The following TLCD4 variants were observed in gnomAD, a reference collection of about 807,000 sequenced individuals.
TLCD4 encodes the protein TLC domain-containing protein 4.
TLCD4 carries 7 observed loss-of-function variants against 24.2 expected under a neutral mutation model. The ratio of observed to expected loss-of-function variants is 0.29; its 90% CI spans 0.16 to 0.54. The LOEUF (loss-of-function observed/expected upper bound fraction) is 0.54. Ranked by LOEUF, TLCD4 falls within the 20% of genes least tolerant of loss-of-function variation. TLCD4 has a pLI of 0.95. For synonymous variants in TLCD4, 103 were observed against 106.4 expected, an observed-to-expected ratio of 0.97 and a Z score of 0.20; for missense variants, 259 against 313.9, an observed-to-expected ratio of 0.82 and a Z score of 1.32.
chr1:95,178,030 AACCTAC>A (rs1678495131), intron 6 of TLCD4, among the ~76,000 whole-genome samples: 1 of 148,842 alleles, frequency 6.7e-6, no homozygotes, highest in South Asian at 2.1e-4. Flanking sequence ...GGCTCACTGC[AACCTAC>A]ACCTCCCGGG....
In TLCD4 at chr1:95,150,090, C is replaced by T. The variant is rs1677451442; in HGVS notation, c.246-118C>T. On this transcript the variant is annotated intron_variant, in intron 3 of 6. Transcript: ENST00000370203. ...TTGCAATTTTATTTGAAGATGACAG[C>T]TTACCATTTGAGAATCTATAGAAAG... is the stretch of plus-strand genomic sequence containing the variant. 4 of 1,345,078 alleles carry T rather than the reference C, an allele frequency of 3.0e-6. No homozygotes were observed. The Admixed American group carries it at 8.2e-5, about 28-fold the overall frequency. The allele number at this position is 1,345,078 out of a possible 1,614,324, so 83.3% of individuals were successfully genotyped here. A position where few individuals can be genotyped will look rare whatever the true frequency, so the allele number is the denominator to read the frequency against.
chr1:95,147,017 TAG>T (rs35785916), intron 2 of TLCD4, among the ~76,000 whole-genome samples: 10,394 of 152,060 alleles, frequency 0.068, 408 homozygotes, highest in Non-Finnish European at 0.089. Context: ...TGAATAGCAA[TAG>T]AGAGTGGGCT....
chr1:95,105,776 T>C, the TLCD4 span, among the ~76,000 whole-genome samples: 1 of 150,824 alleles, frequency 6.6e-6, no homozygotes, highest in South Asian at 2.1e-4. Context: ...GTGCCTGTAG[T>C]CCCAGCTACT....
upstream of TLCD4, among the ~76,000 whole-genome samples, chr1:95,113,043 CTTT>C (rs1054737210): frequency 1.5e-5 from 2 of 136,698 alleles, no homozygotes; most frequent in Non-Finnish European, 1.6e-5. Context: ...TCTTTTCTTT[CTTT>C]TTTTTTTTTT....
At chr1:95,163,015 G>C (rs1345880621) in intron 5 of TLCD4, among the ~76,000 whole-genome samples, 3 of 152,138 alleles carry the variant, frequency 2.0e-5, no homozygotes, top group Non-Finnish European at 4.4e-5. Flanking sequence ...TCTTTGTGGT[G>C]TTCTCTGTAT....
In TLCD4 at chr1:95,155,010, TAGTGTAGTGC is replaced by T. The variant is rs903362873; in HGVS notation, c.399+3596_399+3605del. On this transcript the variant is annotated intron_variant, in intron 5 of 6. Transcript: ENST00000370203. ...TTCCTACCAACATATAGTCGTAGTG[TAGTGTAGTGC>T]AGTGCAGTGCAGTGTAGTGTAGTAT... is the stretch of plus-strand genomic sequence containing the variant. 4.7e-4 allele frequency among the ~76,000 whole-genome samples: 71 copies of T among 151,664 alleles called. 1 individual carries two copies. The highest frequency in any genetic ancestry group is 6.8e-3 in the Middle Eastern group (2 of 292).
intron 6 of TLCD4, among the ~76,000 whole-genome samples, chr1:95,186,751 G>GT (rs1388017029): frequency 6.6e-6 from 1 of 152,150 alleles, no homozygotes; most frequent in Non-Finnish European, 1.5e-5. Context: ...CCTATTTGCA[G>GT]TATTATTTCA....
chr1:95,173,403 G>A (rs1678299555), intron 5 of TLCD4, among the ~76,000 whole-genome samples: 1 of 151,580 alleles, frequency 6.6e-6, no homozygotes, highest in Admixed American at 6.6e-5. Context: ...TCCGCCTCCC[G>A]GGTTCACGCC....
At chr1:95,110,579 CGAG>C in the TLCD4 span, among the ~76,000 whole-genome samples, 16 of 151,978 alleles carry the variant, frequency 1.1e-4, no homozygotes, top group African/African-American at 3.4e-4. Flanking sequence ...GGAAAAATAT[CGAG>C]GAGGACATTC....
intron 1 of TLCD4, among the ~76,000 whole-genome samples, chr1:95,124,824 A>G (rs1676667572): frequency 6.6e-6 from 1 of 151,216 alleles, no homozygotes; most frequent in South Asian, 2.1e-4. Flanking sequence ...ATAGAACTAT[A>G]GCACTGGCTG....
intron 6 of TLCD4, among the ~76,000 whole-genome samples, chr1:95,180,750 C>T (rs1185308336): frequency 6.6e-6 from 1 of 152,030 alleles, no homozygotes; most frequent in Non-Finnish European, 1.5e-5. Flanking sequence ...AAATTGAATA[C>T]CTTGTAAAAG....
intron 2 of TLCD4, among the ~76,000 whole-genome samples, chr1:95,148,314 C>A (rs754731573): frequency 4.6e-5 from 7 of 152,224 alleles, no homozygotes; most frequent in Admixed American, 6.5e-5. Flanking sequence ...GGAAACTTAT[C>A]CTGCATTGAT....
rs1399122084 is a variant in TLCD4 at position 95,191,655 on chromosome 1, T to C, written c.579T>C (p.Leu193=). The C allele has an allele frequency of 6.2e-7, 1 of 1,614,070 alleles. No individual in the cohort carries two copies. Among genetic ancestry groups the C allele is most frequent in the African/African-American group, 1.3e-5 (1 of 74,942 alleles). ...VFFIVRIASM[L]PHYGFMYSVY... The stretch of plus-strand genomic sequence containing the variant: ...TCATCGTGCGGATTGCCTCAATGCT[T>C]CCTCATTATGGCTTCATGTATTCCG... Residue 193 remains leucine (L), a synonymous_variant, in exon 7 of 7, where the codon CTT becomes CTC. Transcript: ENST00000370203.
intron 5 of TLCD4, 62 bp from the exon 6 acceptor site, chr1:95,173,754 G>A (rs1209505890): frequency 1.2e-6 from 2 of 1,604,144 alleles, no homozygotes; most frequent in Non-Finnish European, 1.7e-6. Context: ...ATATTTCTAC[G>A]GTATTTGGGA....
the TLCD4 span, among the ~76,000 whole-genome samples, chr1:95,104,663 C>CAAA: frequency 3.0e-4 from 12 of 40,618 alleles, 1 homozygote; most frequent in East Asian, 7.5e-4. Context: ...GACTCCGTCT[C>CAAA]AAAAAAAAAA....
At chr1:95,099,472 ACT>A in the TLCD4 span, among the ~76,000 whole-genome samples, 5 of 110,796 alleles carry the variant, frequency 4.5e-5, no homozygotes, top group East Asian at 4.5e-4. Context: ...GTGCTAAAAA[ACT>A]CTATTTTTAT....
upstream of TLCD4, among the ~76,000 whole-genome samples, chr1:95,113,649 A>G (rs1676379508): frequency 6.6e-6 from 1 of 152,170 alleles, no homozygotes; most frequent in South Asian, 2.1e-4. Flanking sequence ...TTTTTCACTT[A>G]TGTGTGTTAC....
chr1:95,161,433 G>T (rs1388326189), intron 5 of TLCD4, among the ~76,000 whole-genome samples: 1 of 152,012 alleles, frequency 6.6e-6, no homozygotes, highest in Admixed American at 6.6e-5. Context: ...TATCAATTTT[G>T]TTGATCTTTT....
intron 1 of TLCD4, among the ~76,000 whole-genome samples, chr1:95,129,173 A>AAT (rs1204136920): frequency 6.6e-6 from 1 of 152,228 alleles, no homozygotes; most frequent in Admixed American, 6.5e-5. Context: ...TTATAATCAA[A>AAT]ACAATCTGTA....
Sources: allele counts gnomAD v4.1 joint callset (sites outside exome capture counted in the v4.1 genomes callset), GRCh38; gene constraint gnomAD v4.1.1; transcripts MANE v1.5; gene names NCBI Gene and HGNC (gene_info 2026-07-23, HGNC 2026-07-21).